Variants in GPC5 observed in about 807,000 individuals in gnomAD.
GPC5 encodes the protein glypican-5.
GPC5 carries 47 observed loss-of-function variants against 53.9 expected under a neutral mutation model. The observed-to-expected ratio is 0.87, with a 90% CI of 0.69 to 1.11. The LOEUF is 1.11. GPC5 is among the 50% of genes most tolerant of loss of function. The pLI, the probability that GPC5 is intolerant of heterozygous loss-of-function variation, is 0.00. For missense variants in GPC5, 748 were observed against 713.1 expected (o/e 1.05, Z -0.56); for synonymous variants, 286 against 263.3 (o/e 1.09, Z -0.84).
At chr13:91,884,473 A>T (rs950164462) in intron 5 of GPC5, among the ~76,000 whole-genome samples, 1 of 152,228 alleles carries the variant, frequency 6.6e-6, no homozygotes, top group South Asian at 2.1e-4. Context: ...GGAAGCCATT[A>T]TCCTTAGCAA....
chr13:92,746,693 G>A (rs938414641), intron 7 of GPC5, among the ~76,000 whole-genome samples: 3 of 151,992 alleles, frequency 2.0e-5, no homozygotes, highest in Non-Finnish European at 4.4e-5. Flanking sequence ...AGATTTTTAA[G>A]GACAACACAA....
At chr13:91,809,599 G>T (rs2038278102) in intron 5 of GPC5, among the ~76,000 whole-genome samples, 1 of 151,932 alleles carries the variant, frequency 6.6e-6, no homozygotes, top group Admixed American at 6.6e-5. Flanking sequence ...ACTTTTGTTT[G>T]TTACAGAATT....
At chr13:92,262,157 C>T (rs2042772195) in intron 7 of GPC5, among the ~76,000 whole-genome samples, 1 of 152,096 alleles carries the variant, frequency 6.6e-6, no homozygotes, top group Non-Finnish European at 1.5e-5. Context: ...CTCTGCAGGT[C>T]CTTGTACTGC....
chr13:92,508,184 G>A (rs1448010365), intron 7 of GPC5, among the ~76,000 whole-genome samples: 1 of 152,096 alleles, frequency 6.6e-6, no homozygotes, highest in Non-Finnish European at 1.5e-5. Flanking sequence ...GGATGGTCTT[G>A]ATCCCATGAC....
At position 92,694,070 on chromosome 13, in the gene GPC5, C is replaced by G. The variant is rs561918894; in HGVS notation, c.1562-172212C>G. Among the ~76,000 whole-genome samples, 5 of 152,308 alleles carry G rather than the reference C, an allele frequency of 3.3e-5. No individual in the cohort carries two copies. The South Asian group carries it at 1.0e-3, about 32-fold the overall frequency. On this transcript the variant is annotated intron_variant, in intron 7 of 7. Transcript: ENST00000377067. ...CTGTTGCTTCAGAGTGTGCAAGACC[C>G]AAACCTTGGTGGCTTCCATGTGGGG...
At chr13:92,261,950 T>C (rs1012788104) in intron 7 of GPC5, among the ~76,000 whole-genome samples, 4 of 152,166 alleles carry the variant, frequency 2.6e-5, no homozygotes, top group African/African-American at 9.6e-5. Flanking sequence ...CTGTTGTAAA[T>C]GGTGTGAGAT....
intron 7 of GPC5, among the ~76,000 whole-genome samples, chr13:92,493,583 A>T (rs1385442422): frequency 6.6e-6 from 1 of 152,018 alleles, no homozygotes; most frequent in African/African-American, 2.4e-5. Flanking sequence ...AAAGAGGGAG[A>T]TTTAATCCTC....
At chr13:91,800,736 T>C (rs748965767) in intron 5 of GPC5, among the ~76,000 whole-genome samples, 1 of 152,172 alleles carries the variant, frequency 6.6e-6, no homozygotes, top group Non-Finnish European at 1.5e-5. Flanking sequence ...GTTTTAATAA[T>C]GTTTCTTTCT....
chr13:91,454,405 A>G (rs1409070788), intron 2 of GPC5, among the ~76,000 whole-genome samples: 1 of 152,078 alleles, frequency 6.6e-6, no homozygotes, highest in African/African-American at 2.4e-5. Flanking sequence ...AGTTATGATA[A>G]TATCACCTAT....
chr13:91,405,679 G>T (rs1485636498), intron 1 of GPC5, among the ~76,000 whole-genome samples: 2 of 152,110 alleles, frequency 1.3e-5, no homozygotes, highest in African/African-American at 4.8e-5. Context: ...ACCTGCTAGG[G>T]CCATTTTCCT....
chr13:92,469,289 A>G (rs1273007613), intron 7 of GPC5, among the ~76,000 whole-genome samples: 2 of 151,854 alleles, frequency 1.3e-5, no homozygotes, highest in South Asian at 2.1e-4. Context: ...GCTCACTGCA[A>G]CCTCCACCTC....
At chr13:92,727,041 ACT>A (rs1189780466) in intron 7 of GPC5, among the ~76,000 whole-genome samples, 6 of 151,338 alleles carry the variant, frequency 4.0e-5, no homozygotes, top group Non-Finnish European at 5.9e-5. Flanking sequence ...ATGCATTCAG[ACT>A]CTTTTTATCA....
At chr13:92,376,508 A>T (rs1176433058) in intron 7 of GPC5, among the ~76,000 whole-genome samples, 1 of 152,162 alleles carries the variant, frequency 6.6e-6, no homozygotes, top group Non-Finnish European at 1.5e-5. Flanking sequence ...GTCTGCATAG[A>T]GGTTTATTTT....
At chr13:92,239,122 G>T (rs2042590904) in intron 7 of GPC5, among the ~76,000 whole-genome samples, 1 of 147,974 alleles carries the variant, frequency 6.8e-6, no homozygotes, top group African/African-American at 2.5e-5. Context: ...TTTGTAGTAA[G>T]TTTTCAAATT....
At chr13:92,068,800 T>C (rs1214152350) in intron 6 of GPC5, among the ~76,000 whole-genome samples, 1 of 151,780 alleles carries the variant, frequency 6.6e-6, no homozygotes, top group African/African-American at 2.4e-5. Context: ...TAATTTATTG[T>C]ACTTTTTAAA....
At chr13:92,785,509 G>C (rs1876195981) in intron 7 of GPC5, among the ~76,000 whole-genome samples, 1 of 152,104 alleles carries the variant, frequency 6.6e-6, no homozygotes, top group Non-Finnish European at 1.5e-5. Flanking sequence ...AAGAAAAGAG[G>C]CCATGCAGCA....
rs147672103 is a variant in GPC5, at chr13:92,725,282, T to C, written c.1562-141000T>C. 1.9e-3 allele frequency among the ~76,000 whole-genome samples: 286 copies of C among 151,630 alleles called. 1 individual carries two copies. The highest frequency in any genetic ancestry group is 6.8e-3 in the African/African-American group (283 of 41,492). On this transcript the variant is annotated intron_variant, in intron 7 of 7. Transcript: ENST00000377067. ...CTATGCTGTCTAATGACATAAACTG[T>C]CTAAATATGAGTAATTTGTTTAAGA...
chr13:92,626,045 A>T (rs1885034705), intron 7 of GPC5, among the ~76,000 whole-genome samples: 1 of 152,218 alleles, frequency 6.6e-6, no homozygotes, highest in African/African-American at 2.4e-5. Context: ...TCCTGCTTTA[A>T]TCATAACCAT....
rs149328334 is a variant in GPC5, at chr13:92,733,572, A to G, written c.1562-132710A>G. Among the ~76,000 whole-genome samples, 1,494 of 151,874 alleles carry G rather than the reference A, an allele frequency of 9.8e-3. 18 individuals carry two copies. The highest frequency in any genetic ancestry group is 0.012 in the Non-Finnish European group (785 of 67,788). On this transcript the variant is annotated intron_variant, in intron 7 of 7. Coordinates refer to ENST00000377067, the MANE Select transcript of GPC5 (RefSeq NM_004466.6). ...AAGTTGTGTGAAAATTAAATGCAAGAAATATTTAATAATGAAAAGACAATG... is the reference window on the plus strand; with the variant it reads ...AAGTTGTGTGAAAATTAAATGCAAGGAATATTTAATAATGAAAAGACAATG...
Sources: allele counts gnomAD v4.1 joint callset (sites outside exome capture counted in the v4.1 genomes callset), GRCh38; gene constraint gnomAD v4.1.1; transcripts MANE v1.5; gene names NCBI Gene and HGNC (gene_info 2026-07-23, HGNC 2026-07-21).